Variants in CTIF observed in about 807,000 individuals in gnomAD.
CTIF encodes cap binding complex dependent translation initiation factor, also known as CBP80/20-dependent translation initiation factor.
In CTIF, 21 loss-of-function variants were observed where a neutral mutation model predicts 66.0. The ratio of observed to expected loss-of-function variants is 0.32; its 90% CI spans 0.23 to 0.46. CTIF has a LOEUF of 0.46. Ranked by LOEUF, CTIF falls within the 20% of genes least tolerant of loss-of-function variation. The probability of loss-of-function intolerance (pLI) is 1.00; values close to 1 mark genes in which losing one functional copy is unlikely to be tolerated. For synonymous variants in CTIF, 345 were observed against 326.4 expected (o/e 1.06, Z -0.62); for missense variants, 739 against 812.7 (o/e 0.91, Z 1.10).
chr18:48,645,025 T>G (rs1023062983), intron 3 of CTIF, among the ~76,000 whole-genome samples: 1 of 152,246 alleles, frequency 6.6e-6, no homozygotes, highest in Non-Finnish European at 1.5e-5. Context: ...AAATGTCTTG[T>G]TGAAAATATA....
intron 10 of CTIF, among the ~76,000 whole-genome samples, chr18:48,846,015 A>T (rs1463942370): frequency 6.6e-6 from 1 of 152,198 alleles, no homozygotes; most frequent in Admixed American, 6.5e-5. Context: ...GCTATGCAAG[A>T]TAGGATCTTT....
chr18:48,560,226 ATT>A (rs34752495), intron 1 of CTIF, among the ~76,000 whole-genome samples: 28 of 131,264 alleles, frequency 2.1e-4, no homozygotes, highest in Non-Finnish European at 2.1e-4. Flanking sequence ...TTTGGAGGCT[ATT>A]TTTTTTTTTT....
At chr18:48,801,651 C>G (rs191060556) in intron 9 of CTIF, among the ~76,000 whole-genome samples, 1 of 151,780 alleles carries the variant, frequency 6.6e-6, no homozygotes, top group Non-Finnish European at 1.5e-5. Context: ...AGCTTAGTAA[C>G]GCCTGTGTAT....
Position 48,636,614 on chromosome 18 carries a change from T to C in CTIF, c.181T>C (p.Trp61Arg). 1 of 1,565,980 alleles carries C rather than the reference T, an allele frequency of 6.4e-7. No homozygotes were observed. The highest frequency in any genetic ancestry group is 8.6e-7 in the Non-Finnish European group (1 of 1,159,408). Residue 61 changes from tryptophan (W) to arginine (R), a missense_variant and splice_region_variant, in exon 3 of 12, where the codon TGG (tryptophan) becomes CGG (arginine). Physicochemically the swap from Trp to Arg is moderately radical, Grantham distance 101. This residue lies in a region of CTIF where 529 missense variants were observed against 520.3 expected (regional missense o/e 1.02). Coordinates refer to ENST00000256413, the MANE Select transcript of CTIF (RefSeq NM_014772.3). ...SERTQSHISQ[W>R]TADCSEPLDS... ...CTGATCGCTCCTTTCTGTTCTGCAG[T>C]GGACAGCGGACTGCAGCGAACCGCT...
chr18:48,696,730 G>A (rs2092014687), intron 6 of CTIF, among the ~76,000 whole-genome samples: 1 of 152,144 alleles, frequency 6.6e-6, no homozygotes, highest in Non-Finnish European at 1.5e-5. Context: ...CCATTTTCAG[G>A]CAGAGGAAAC....
At chr18:48,590,473 A>G (rs1382594514) in intron 1 of CTIF, among the ~76,000 whole-genome samples, 1 of 152,242 alleles carries the variant, frequency 6.6e-6, no homozygotes, top group Admixed American at 6.5e-5. Flanking sequence ...AGGGCCTCGG[A>G]GTGACATAGT....
At chr18:48,738,249 G>A (rs557045639) in intron 7 of CTIF, among the ~76,000 whole-genome samples, 1 of 152,188 alleles carries the variant, frequency 6.6e-6, no homozygotes, top group Non-Finnish European at 1.5e-5. Context: ...ACTCCTGCCC[G>A]CTGGGCCAAG....
intron 9 of CTIF, among the ~76,000 whole-genome samples, chr18:48,809,581 G>T (rs190495752): frequency 1.3e-5 from 2 of 152,070 alleles, no homozygotes; most frequent in Admixed American, 1.3e-4. Flanking sequence ...TGGTTGGAAA[G>T]CGTCTCTTTT....
chr18:48,607,219 C>T (rs73443334), intron 1 of CTIF, among the ~76,000 whole-genome samples: 18,005 of 152,190 alleles, frequency 0.12, 1,686 homozygotes, highest in African/African-American at 0.27. Flanking sequence ...ATCAGGGGCC[C>T]TGGGCTTTTG....
intron 7 of CTIF, among the ~76,000 whole-genome samples, chr18:48,718,953 G>A (rs558647958): frequency 7.2e-5 from 11 of 152,208 alleles, no homozygotes; most frequent in South Asian, 2.1e-4. Flanking sequence ...TGACAGATGC[G>A]GCAACTGCAG....
At chr18:48,673,131 C>G (rs541403815) in intron 6 of CTIF, among the ~76,000 whole-genome samples, 1 of 152,288 alleles carries the variant, frequency 6.6e-6, no homozygotes, top group South Asian at 2.1e-4. Context: ...TGGCTCCCAC[C>G]ACGTCGCACC....
chr18:48,614,849 G>C (rs779260687), intron 1 of CTIF, among the ~76,000 whole-genome samples: 1 of 150,978 alleles, frequency 6.6e-6, no homozygotes, highest in African/African-American at 2.5e-5. Context: ...TGATTTGTTT[G>C]TTTTGTTTGG....
intron 3 of CTIF, among the ~76,000 whole-genome samples, chr18:48,644,373 C>CATG (rs1347787096): frequency 2.0e-5 from 3 of 152,186 alleles, no homozygotes; most frequent in Admixed American, 2.0e-4. Flanking sequence ...ATGTCTGGGA[C>CATG]ATGACACAGT....
Position 48,654,658 on chromosome 18 carries a change from TAA to T in CTIF, c.253-9092_253-9091del, listed in dbSNP as rs1467374834. Among the ~76,000 whole-genome samples the T allele has an allele frequency of 2.6e-5, 4 of 152,312 alleles. No homozygotes were observed. The East Asian group carries it at 7.7e-4, about 29-fold the overall frequency. On this transcript the variant is annotated intron_variant, in intron 3 of 11. Transcript: ENST00000256413. ...CAAAGGATTATAAATCATGCTACTA[TAA>T]AGACACATGCACACGTATGTTTGTT... is the stretch of plus-strand genomic sequence containing the variant.
intron 1 of CTIF, among the ~76,000 whole-genome samples, chr18:48,600,989 G>C (rs2090080610): frequency 6.6e-6 from 1 of 152,152 alleles, no homozygotes; most frequent in Non-Finnish European, 1.5e-5. Flanking sequence ...CGTAGACACT[G>C]TGTTTCCTTA....
chr18:48,602,479 T>C (rs1249898849), intron 1 of CTIF, among the ~76,000 whole-genome samples: 1 of 152,220 alleles, frequency 6.6e-6, no homozygotes, highest in East Asian at 1.9e-4. Context: ...TGGCATAGCT[T>C]AATTGACAGC....
intron 1 of CTIF, among the ~76,000 whole-genome samples, chr18:48,557,516 A>G (rs1352542529): frequency 6.6e-6 from 1 of 152,216 alleles, no homozygotes; most frequent in African/African-American, 2.4e-5. Flanking sequence ...GGGAGACAGC[A>G]CAGCACTAGC....
intron 9 of CTIF, among the ~76,000 whole-genome samples, chr18:48,774,748 A>G (rs892397836): frequency 6.6e-6 from 1 of 152,188 alleles, no homozygotes; most frequent in Non-Finnish European, 1.5e-5. Context: ...TCACCATGTC[A>G]TGCCCCTGCC....
At chr18:48,750,331 G>A (rs1442168463) in intron 7 of CTIF, among the ~76,000 whole-genome samples, 1 of 152,268 alleles carries the variant, frequency 6.6e-6, no homozygotes, top group Non-Finnish European at 1.5e-5. Flanking sequence ...TTCCAGTGGG[G>A]TTGAGGGGAG....
Sources: gnomAD v4.1 joint callset for allele counts (sites outside exome capture counted in the v4.1 genomes callset) on GRCh38, gnomAD v4.1.1 for gene constraint, gnomAD v4.1.1 regional missense constraint, MANE v1.5 for transcripts, NCBI Gene and HGNC (gene_info 2026-07-23, HGNC 2026-07-21) for gene names.